Variants in KIAA1549L observed in about 807,000 individuals in gnomAD.
The protein encoded by KIAA1549L is KIAA1549 like.
In KIAA1549L, 88 loss-of-function variants were observed where a neutral mutation model predicts 160.7. The observed-to-expected ratio is 0.55, with a 90% CI of 0.46 to 0.65. The LOEUF (loss-of-function observed/expected upper bound fraction) is 0.65, where lower values mean the gene tolerates loss of function less well. Among genes scored for constraint, KIAA1549L ranks in the 30% least tolerant of loss-of-function variants. KIAA1549L has a pLI of 0.00. For missense variants in KIAA1549L, 2,258 were observed against 2,437.5 expected (o/e 0.93, Z 1.55); for synonymous variants, 950 against 976.7 (o/e 0.97, Z 0.51).
chr11:33,609,022 C>T (rs1564922098), intron 14 of KIAA1549L, among the ~76,000 whole-genome samples: 1 of 152,250 alleles, frequency 6.6e-6, no homozygotes, highest in Non-Finnish European at 1.5e-5. Flanking sequence ...GTGACATTCT[C>T]ATCACTTGTT....
At chr11:33,489,488 A>G (rs1337105801) in intron 1 of KIAA1549L, among the ~76,000 whole-genome samples, 1 of 152,226 alleles carries the variant, frequency 6.6e-6, no homozygotes, top group African/African-American at 2.4e-5. Context: ...AAGGACACAA[A>G]CATTCATTTC....
chr11:33,461,722 T>C (rs1461921581), intron 1 of KIAA1549L, among the ~76,000 whole-genome samples: 2 of 152,224 alleles, frequency 1.3e-5, no homozygotes, highest in East Asian at 3.8e-4. Context: ...GTGCCAGACA[T>C]ACTGAGTCTT....
In KIAA1549L at chr11:33,407,154, G is replaced by C. The variant is rs181229150; in HGVS notation, c.238+30265G>C. Among the ~76,000 whole-genome samples the C allele has an allele frequency of 2.2e-3, 290 of 131,878 alleles. 1 individual carries two copies. The highest frequency in any genetic ancestry group is 8.4e-3 in the African/African-American group (282 of 33,516). The allele number at this position is 131,878 out of a possible 152,430, so 86.5% of individuals were successfully genotyped here. ...GGCTGGAGTGCAGTGGCGTGATCTC[G>C]GCTCACTACAAACTCCGCCTCCCGG... On this transcript the variant is annotated intron_variant, in intron 1 of 20. Coordinates refer to ENST00000658780, the MANE Select transcript of KIAA1549L (RefSeq NM_012194.3).
At chr11:33,500,593 A>G (rs1036503115) in intron 1 of KIAA1549L, among the ~76,000 whole-genome samples, 2 of 152,242 alleles carry the variant, frequency 1.3e-5, no homozygotes, top group African/African-American at 4.8e-5. Flanking sequence ...AGGATTCAGT[A>G]GTACAGTAGG....
chr11:33,613,839 T>C (rs1850710410), intron 15 of KIAA1549L, among the ~76,000 whole-genome samples: 1 of 152,218 alleles, frequency 6.6e-6, no homozygotes, highest in Admixed American at 6.5e-5. Flanking sequence ...TTTAAAATCA[T>C]TTTCAGAGCC....
chr11:33,501,405 T>A (rs529952251), intron 1 of KIAA1549L, among the ~76,000 whole-genome samples: 1 of 152,314 alleles, frequency 6.6e-6, no homozygotes, highest in South Asian at 2.1e-4. Flanking sequence ...GTCTCAGAAA[T>A]GGAAATAATT....
At chr11:33,648,278 G>A (rs567939678) in intron 17 of KIAA1549L, among the ~76,000 whole-genome samples, 2 of 152,192 alleles carry the variant, frequency 1.3e-5, no homozygotes, top group South Asian at 2.1e-4. Context: ...TTACAGGCGT[G>A]AGCCATCATG....
intron 20 of KIAA1549L, among the ~76,000 whole-genome samples, chr11:33,662,303 T>G (rs556467704): frequency 1.2e-4 from 19 of 152,328 alleles, no homozygotes; most frequent in African/African-American, 4.3e-4. Flanking sequence ...ATGCCCACCC[T>G]TAAGTGTGCT....
chr11:33,638,876 A>T (rs1479558205), intron 16 of KIAA1549L, among the ~76,000 whole-genome samples: 1 of 152,086 alleles, frequency 6.6e-6, no homozygotes, highest in African/African-American at 2.4e-5. Context: ...AATGATGTTG[A>T]TCATCTTTCC....
intron 10 of KIAA1549L, 80 bp downstream of exon 10, chr11:33,574,953 T>C (rs1197869889): frequency 2.5e-6 from 3 of 1,213,816 alleles, no homozygotes; most frequent in Non-Finnish European, 2.4e-6. Context: ...CCCAAAATCA[T>C]GTTAATGGTC....
chr11:33,551,041 T>C lies in KIAA1549L; in HGVS notation c.3503T>C (p.Val1168Ala). 1 of 1,613,312 alleles carries C rather than the reference T, an allele frequency of 6.2e-7. No individual in the cohort carries two copies. The highest frequency in any genetic ancestry group is 8.5e-7 in the Non-Finnish European group (1 of 1,179,218). Residue 1168 changes from valine to alanine, a missense_variant and splice_region_variant, in exon 5 of 21, where the codon GTG becomes GCG. By Grantham distance (64) the Val-to-Ala change is moderately conservative (BLOSUM62 0). Around this residue, in one of 6 missense-constraint regions of KIAA1549L, gnomAD observed 1,359 missense variants for 1,546.6 expected, o/e 0.88. Coordinates refer to ENST00000658780, the MANE Select transcript of KIAA1549L (RefSeq NM_012194.3). ...AFHQNDVSAH[V>A]DILEYSHNVT... ...TTTGTGGGTCCATTTGTTTTGTAGG[T>C]GGACATTCTGGAATATTCTCATAAT... is the stretch of plus-strand genomic sequence containing the variant.
chr11:33,665,064 C>G (rs1852394436), intron 20 of KIAA1549L, among the ~76,000 whole-genome samples: 1 of 152,086 alleles, frequency 6.6e-6, no homozygotes, highest in Non-Finnish European at 1.5e-5. Flanking sequence ...CCTGAGGTCA[C>G]TGATGCTTCC....
intron 1 of KIAA1549L, among the ~76,000 whole-genome samples, chr11:33,445,481 A>AT (rs1326300838): frequency 6.6e-6 from 1 of 152,256 alleles, no homozygotes; most frequent in Non-Finnish European, 1.5e-5. Flanking sequence ...ATCAAGTGTG[A>AT]AAGGGATGTC....
In KIAA1549L at chr11:33,543,562, A is replaced by C. The variant is rs1854111446; in HGVS notation, c.1999A>C (p.Lys667Gln). The C allele has an allele frequency of 6.2e-7, 1 of 1,614,040 alleles. No homozygotes were observed. Among genetic ancestry groups the C allele is most frequent in the South Asian group, 1.1e-5 (1 of 91,076 alleles). ...DHSGLPASAS[K>Q]QVRASPSSMD... ...TTCTGGGTTGCCAGCTTCAGCTTCC[A>C]AACAGGTGAGAGCATCGCCCTCCTC... Residue 667 changes from lysine to glutamine, a missense_variant, in exon 2 of 21, where the codon AAA (lysine) becomes CAA (glutamine). Around this residue, in one of 6 missense-constraint regions of KIAA1549L, gnomAD observed 287 missense variants for 292.3 expected, o/e 0.98. Transcript: ENST00000658780.
rs60029190 is a variant in KIAA1549L at position 33,520,684 on chromosome 11, A to AACACACACACACAC, written c.239-21075_239-21062dup. On this transcript the variant is annotated intron_variant, in intron 1 of 20. Transcript: ENST00000658780. Reference sequence around the variant, plus strand: ...TGGTGGACATACACCCCCCACCCCCAACACACACACACACACACACACACA... The same window carrying AACACACACACACAC: ...TGGTGGACATACACCCCCCACCCCCAACACACACACACACACACACACACACACACACACACACA... 2.4e-3 allele frequency among the ~76,000 whole-genome samples: 204 copies of AACACACACACACAC among 84,786 alleles called. 3 individuals are homozygous for AACACACACACACAC. Among genetic ancestry groups the AACACACACACACAC allele is most frequent in the Admixed American group, 5.0e-3 (38 of 7,644 alleles). 55.6% of individuals were successfully genotyped at this position (84,786 alleles called of 152,430 possible).
chr11:33,431,987 G>A (rs904760029), intron 1 of KIAA1549L, among the ~76,000 whole-genome samples: 4 of 152,256 alleles, frequency 2.6e-5, no homozygotes, highest in Non-Finnish European at 5.9e-5. Context: ...ACTGGCCCGG[G>A]TGCTAAGTCC....
At chr11:33,579,406 C>G (rs1332038863) in intron 10 of KIAA1549L, among the ~76,000 whole-genome samples, 1 of 152,228 alleles carries the variant, frequency 6.6e-6, no homozygotes, top group Admixed American at 6.5e-5. Context: ...TGCCTTCTAA[C>G]AATGCCTCTC....
intron 10 of KIAA1549L, among the ~76,000 whole-genome samples, chr11:33,576,085 AG>A (rs1307436414): frequency 6.6e-6 from 1 of 152,084 alleles, no homozygotes; most frequent in Non-Finnish European, 1.5e-5. Context: ...GGAAGGGGAA[AG>A]GGTATGAAGG....
chr11:33,552,039 A>G, intron 5 of KIAA1549L, 69 bp from the exon 6 acceptor site: 1 of 1,557,388 alleles, frequency 6.4e-7, no homozygotes, highest in Non-Finnish European at 8.8e-7. Context: ...TTATATTATG[A>G]CCACTGTTAA....
Sources: gnomAD v4.1 joint callset for allele counts (sites outside exome capture counted in the v4.1 genomes callset) on GRCh38, gnomAD v4.1.1 for gene constraint, gnomAD v4.1.1 regional missense constraint, MANE v1.5 for transcripts, NCBI Gene and HGNC (gene_info 2026-07-23, HGNC 2026-07-21) for gene names.